Variants in INPP4B observed in about 807,000 individuals in gnomAD.
INPP4B encodes inositol polyphosphate 4-phosphatase type II.
Under a neutral mutation model 122.5 loss-of-function variants are expected in INPP4B, and 55 were observed. The ratio of observed to expected loss-of-function variants is 0.45; its 90% CI spans 0.36 to 0.56. The LOEUF is 0.56. Among genes scored for constraint, INPP4B ranks in the 20% least tolerant of loss-of-function variants. INPP4B has a pLI of 0.00. For synonymous variants in INPP4B, 403 were observed against 388.7 expected (o/e 1.04, Z -0.43); for missense variants, 1,000 against 1,097.7 (o/e 0.91, Z 1.26).
chr4:142,561,358 A>G (rs1256951281), intron 2 of INPP4B, among the ~76,000 whole-genome samples: 1 of 152,222 alleles, frequency 6.6e-6, no homozygotes, highest in Admixed American at 6.5e-5. Flanking sequence ...CATTTTATAA[A>G]TGGAAACATT....
At chr4:142,629,204 G>T (rs1056175575) in intron 2 of INPP4B, among the ~76,000 whole-genome samples, 5 of 152,000 alleles carry the variant, frequency 3.3e-5, no homozygotes, top group Non-Finnish European at 5.9e-5. Context: ...GCTTCCCAGG[G>T]AACTGGCAAT....
intron 25 of INPP4B, among the ~76,000 whole-genome samples, chr4:142,068,680 T>A (rs1258180359): frequency 2.0e-5 from 3 of 152,134 alleles, no homozygotes; most frequent in Admixed American, 1.3e-4. Context: ...GGGGTTGCCA[T>A]CCTAGTCTCT....
chr4:142,187,164 A>G (rs1188428804), intron 15 of INPP4B, among the ~76,000 whole-genome samples: 3 of 152,152 alleles, frequency 2.0e-5, no homozygotes, highest in African/African-American at 7.2e-5. Flanking sequence ...TCAAAATGAT[A>G]TATTGTCAGC....
Position 142,090,707 on chromosome 4 carries a change from T to TC in INPP4B, c.2375-4452_2375-4451insG, listed in dbSNP as rs376500367. ...TATGCATATCTCCATAATAGTATTC[T>TC]TTTTTTTTTCAAATGGAGTTTAAGA... is the stretch of plus-strand genomic sequence containing the variant. On this transcript the variant is annotated intron_variant, in intron 23 of 25. Transcript: ENST00000262992. Among the ~76,000 whole-genome samples, 3 of 42,166 alleles carry TC rather than the reference T, an allele frequency of 7.1e-5. No individual in the cohort carries two copies. The Admixed American group carries it at 1.5e-3, about 20-fold the overall frequency. The allele number at this position is 42,166 out of a possible 152,430, so 27.7% of individuals were successfully genotyped here.
At chr4:142,273,991 T>C (rs1212164730) in intron 9 of INPP4B, among the ~76,000 whole-genome samples, 3 of 151,884 alleles carry the variant, frequency 2.0e-5, no homozygotes, top group Non-Finnish European at 4.4e-5. Context: ...TCCACACTTC[T>C]TGTCAATTAG....
At chr4:142,570,838 T>C (rs999906943) in intron 2 of INPP4B, among the ~76,000 whole-genome samples, 7 of 151,950 alleles carry the variant, frequency 4.6e-5, no homozygotes, top group Non-Finnish European at 8.8e-5. Context: ...AATTTCTTTT[T>C]TGCTACATCT....
intron 14 of INPP4B, among the ~76,000 whole-genome samples, chr4:142,207,683 G>A (rs1398691545): frequency 6.6e-6 from 1 of 152,090 alleles, no homozygotes; most frequent in Non-Finnish European, 1.5e-5. Context: ...GGCATATGGA[G>A]GACAGGGACA....
intron 2 of INPP4B, among the ~76,000 whole-genome samples, chr4:142,682,363 C>A (rs1758747860): frequency 6.6e-6 from 1 of 151,566 alleles, no homozygotes; most frequent in African/African-American, 2.4e-5. Context: ...AAAAGAAATG[C>A]CTTTTCTTTA....
intron 23 of INPP4B, among the ~76,000 whole-genome samples, chr4:142,100,544 A>G (rs1296867254): frequency 1.3e-5 from 2 of 152,098 alleles, no homozygotes. Flanking sequence ...AGACTTCTTG[A>G]TTTCCTGTCT....
chr4:142,735,049 G>C (rs1766659543), intron 1 of INPP4B, among the ~76,000 whole-genome samples: 1 of 152,142 alleles, frequency 6.6e-6, no homozygotes, highest in African/African-American at 2.4e-5. Flanking sequence ...GATCATTGGA[G>C]AACCGACGTT....
intron 25 of INPP4B, among the ~76,000 whole-genome samples, chr4:142,055,187 G>T (rs1756953783): frequency 6.6e-6 from 1 of 151,992 alleles, no homozygotes; most frequent in Non-Finnish European, 1.5e-5. Flanking sequence ...AAACAACCAA[G>T]AACACGCTTT....
At chr4:142,059,413 G>A (rs1048025845) in intron 25 of INPP4B, among the ~76,000 whole-genome samples, 109 of 151,944 alleles carry the variant, frequency 7.2e-4, no homozygotes, top group African/African-American at 2.5e-3. Flanking sequence ...TAAGTAGTTC[G>A]TACTTAATAC....
At chr4:142,114,202 C>T (rs980875496) in intron 21 of INPP4B, among the ~76,000 whole-genome samples, 1 of 151,960 alleles carries the variant, frequency 6.6e-6, no homozygotes, top group African/African-American at 2.4e-5. Context: ...TTTGTCAACA[C>T]GTTTATCAGT....
intron 1 of INPP4B, among the ~76,000 whole-genome samples, chr4:142,831,735 A>C (rs551715015): frequency 3.9e-5 from 6 of 152,314 alleles, no homozygotes; most frequent in Non-Finnish European, 8.8e-5. Flanking sequence ...CACATCAGCA[A>C]ATATATCTGC....
At chr4:142,453,684 T>C (rs776481118) in intron 3 of INPP4B, among the ~76,000 whole-genome samples, 25 of 152,188 alleles carry the variant, frequency 1.6e-4, no homozygotes, top group Non-Finnish European at 3.1e-4. Flanking sequence ...ATAATGCATC[T>C]TAATTCTTTT....
At chr4:142,034,018 T>C (rs1031484152) in intron 25 of INPP4B, among the ~76,000 whole-genome samples, 1 of 152,102 alleles carries the variant, frequency 6.6e-6, no homozygotes, top group African/African-American at 2.4e-5. Flanking sequence ...GCCAATCAGC[T>C]AACATTTCAG....
chr4:142,390,829 A>G (rs1287084397), intron 7 of INPP4B, among the ~76,000 whole-genome samples: 1 of 152,230 alleles, frequency 6.6e-6, no homozygotes, highest in Non-Finnish European at 1.5e-5. Flanking sequence ...TCATTTCCAC[A>G]GTTAATTGCA....
intron 7 of INPP4B, chr4:142,383,718 G>A (rs578201856): frequency 4.4e-5 from 9 of 203,084 alleles, no homozygotes; most frequent in African/African-American, 1.8e-4. Flanking sequence ...GACATGTGTA[G>A]TAATAGTTCA....
chr4:142,780,220 T>C (rs1561060428), intron 1 of INPP4B, among the ~76,000 whole-genome samples: 1 of 152,184 alleles, frequency 6.6e-6, no homozygotes, highest in Non-Finnish European at 1.5e-5. Context: ...AAGCTAAGTA[T>C]CTGTATCTTC....
Sources: allele counts gnomAD v4.1 joint callset (sites outside exome capture counted in the v4.1 genomes callset), GRCh38; gene constraint gnomAD v4.1.1; transcripts MANE v1.5; gene names NCBI Gene and HGNC (gene_info 2026-07-23, HGNC 2026-07-21).